Variants in SAXO1 observed in about 807,000 individuals in gnomAD.
The protein encoded by SAXO1 is stabilizer of axonemal microtubules 1.
Under a neutral mutation model 17.5 loss-of-function variants are expected in SAXO1, and 21 were observed. That is an observed-to-expected ratio of 1.20 (90% CI 0.85 to 1.72). The LOEUF is 1.72. SAXO1 is among the 40% of genes most tolerant of loss of function. SAXO1 has a pLI of 0.00. For synonymous variants in SAXO1, 274 were observed against 216.5 expected (o/e 1.27, Z -2.33); for missense variants, 843 against 596.0 (o/e 1.41, Z -4.32).
chr9:18,971,146 TG>T (rs1832928341), intron 1 of SAXO1, among the ~76,000 whole-genome samples: 1 of 152,146 alleles, frequency 6.6e-6, no homozygotes, highest in South Asian at 2.1e-4. Flanking sequence ...TTGCCCCGAG[TG>T]GGGCCTTTCT....
chr9:18,975,211 TGGGG>T (rs1266783616), intron 1 of SAXO1, among the ~76,000 whole-genome samples: 1 of 6,940 alleles, frequency 1.4e-4, no homozygotes, highest in Non-Finnish European at 5.3e-4. Context: ...GGCTGCAGGC[TGGGG>T]AAGCAGGGAG....
At position 18,990,614 on chromosome 9, in the gene SAXO1, G is replaced by A. The variant is rs142031853; in HGVS notation, c.39-39677C>T. Among the ~76,000 whole-genome samples the A allele has an allele frequency of 1.2e-4, 18 of 152,292 alleles. No homozygotes were observed. In the East Asian group the frequency reaches 2.3e-3, roughly 20 times the overall value. On this transcript the variant is annotated intron_variant, in intron 1 of 3. Coordinates refer to ENST00000380534, the MANE Select transcript of SAXO1 (RefSeq NM_153707.4). ...CTGGGCCATGGACCAGTACCGATCC[G>A]TAGCCTGTTAGGAACCAGGCTGCAC...
intron 1 of SAXO1, among the ~76,000 whole-genome samples, chr9:18,995,994 G>A (rs889155460): frequency 1.1e-4 from 16 of 151,284 alleles, no homozygotes; most frequent in Admixed American, 2.6e-4. Flanking sequence ...CAGGAGAATC[G>A]CTTGAATCCA....
intron 1 of SAXO1, among the ~76,000 whole-genome samples, chr9:18,986,772 G>A (rs2131832156): frequency 6.6e-6 from 1 of 152,320 alleles, no homozygotes; most frequent in African/African-American, 2.4e-5. Context: ...GCACAAGAGT[G>A]ACACATCTAA....
intron 1 of SAXO1, among the ~76,000 whole-genome samples, chr9:18,967,216 C>A (rs7024608): frequency 0.18 from 27,806 of 152,166 alleles, 5,365 homozygotes; most frequent in African/African-American, 0.49. Context: ...GCCAGGAGGC[C>A]TGGGGGTCAG....
chr9:19,016,997 C>T (rs570868811), intron 1 of SAXO1, among the ~76,000 whole-genome samples: 9 of 151,914 alleles, frequency 5.9e-5, no homozygotes, highest in Admixed American at 3.3e-4. Flanking sequence ...ATCAGAAGCT[C>T]CCCTCTGCAA....
At chr9:19,038,213 T>C (rs1346507595), upstream of SAXO1, among the ~76,000 whole-genome samples, 1 of 152,080 alleles carries the variant, frequency 6.6e-6, no homozygotes, top group African/African-American at 2.4e-5. Context: ...TCCTCAGGGA[T>C]CTAGAACTAG....
chr9:18,984,836 G>T (rs957332493), intron 1 of SAXO1, among the ~76,000 whole-genome samples: 1 of 152,146 alleles, frequency 6.6e-6, no homozygotes, highest in African/African-American at 2.4e-5. Context: ...TGCATTCACA[G>T]CTTGGCTGTT....
intron 1 of SAXO1, among the ~76,000 whole-genome samples, chr9:19,030,948 C>A (rs1333018385): frequency 6.6e-6 from 1 of 151,868 alleles, no homozygotes; most frequent in East Asian, 1.9e-4. Context: ...TTGGCTGAAA[C>A]CATAAAATGG....
intron 1 of SAXO1, among the ~76,000 whole-genome samples, chr9:18,993,914 A>T (rs7038730): frequency 0.58 from 87,872 of 152,000 alleles, 25,607 homozygotes; most frequent in Non-Finnish European, 0.63. Context: ...CTGAAATACC[A>T]AAGGTCTTGG....
chr9:18,928,832 G>A lies in SAXO1; in HGVS notation c.645C>T (p.Pro215=), dbSNP rs370237688. 21 of 1,613,996 alleles carry A rather than the reference G, an allele frequency of 1.3e-5. No homozygotes were observed. The highest frequency in any genetic ancestry group is 6.6e-5 in the South Asian group (6 of 91,068). ...TNYKMSYVAH[P]VEKRFVHEAE... The stretch of plus-strand genomic sequence containing the variant: ...CTTCATGCACAAAGCGCTTCTCCAC[G>A]GGGTGGGCCACATAGCTCATCTTGT... Residue 215 remains proline, a synonymous_variant, in exon 4 of 4, where the codon CCC becomes CCT. Coordinates refer to ENST00000380534, the MANE Select transcript of SAXO1 (RefSeq NM_153707.4).
intron 1 of SAXO1, among the ~76,000 whole-genome samples, chr9:18,961,849 T>C (rs2131760139): frequency 6.6e-6 from 1 of 152,356 alleles, no homozygotes; most frequent in East Asian, 1.9e-4. Flanking sequence ...TTTGGTTATA[T>C]ACCCAGTAAT....
At chr9:18,934,023 A>G (rs1196531025) in intron 3 of SAXO1, among the ~76,000 whole-genome samples, 29 of 152,224 alleles carry the variant, frequency 1.9e-4, no homozygotes, top group South Asian at 2.1e-4. Context: ...CTCCAGCCTG[A>G]GTGACAGAGC....
At chr9:18,934,991 ATC>A (rs1319928882) in intron 3 of SAXO1, among the ~76,000 whole-genome samples, 1 of 152,082 alleles carries the variant, frequency 6.6e-6, no homozygotes, top group Non-Finnish European at 1.5e-5. Context: ...CAGTGGCACG[ATC>A]TCAGCTCACT....
intron 2 of SAXO1, 82 bp from the exon 3 acceptor site, chr9:18,941,921 C>T: frequency 1.5e-6 from 2 of 1,350,512 alleles, no homozygotes; most frequent in Admixed American, 3.4e-5. Flanking sequence ...ACTCTACAAA[C>T]ATTTGCTGAG....
rs182842181 is a variant in SAXO1 at position 18,976,098 on chromosome 9, T to C, written c.39-25161A>G. ...AAACATGATATTCCAATATTTAAGT[T>C]AAAACACATAGATGCACCCATGTGT... On this transcript the variant is annotated intron_variant, in intron 1 of 3. Transcript: ENST00000380534. 3.9e-5 allele frequency among the ~76,000 whole-genome samples: 6 copies of C among 152,290 alleles called. No individual in the cohort carries two copies. The East Asian group carries it at 1.2e-3, about 29-fold the overall frequency.
intron 1 of SAXO1, among the ~76,000 whole-genome samples, chr9:19,045,015 A>G (rs1006204701): frequency 4.6e-5 from 7 of 152,022 alleles, no homozygotes; most frequent in South Asian, 2.1e-4. Context: ...GAGCTCTTTA[A>G]GATGCAATTA....
intron 1 of SAXO1, among the ~76,000 whole-genome samples, chr9:18,978,126 G>T (rs1449963457): frequency 6.6e-6 from 1 of 151,910 alleles, no homozygotes; most frequent in African/African-American, 2.4e-5. Context: ...GCAGTGCCTG[G>T]TCATGGTATG....
upstream of SAXO1, among the ~76,000 whole-genome samples, chr9:19,035,415 A>T (rs1835911137): frequency 6.6e-6 from 1 of 152,186 alleles, no homozygotes; most frequent in African/African-American, 2.4e-5. Flanking sequence ...TGGAACTGTA[A>T]GTCCAATTAA....
Sources: gnomAD v4.1 joint callset for allele counts (sites outside exome capture counted in the v4.1 genomes callset) on GRCh38, gnomAD v4.1.1 for gene constraint, MANE v1.5 for transcripts, NCBI Gene and HGNC (gene_info 2026-07-23, HGNC 2026-07-21) for gene names.